CLVS1: variants seen among roughly 807,000 people sequenced by gnomAD.
CLVS1 encodes the protein clavesin 1.
Under a neutral mutation model 33.1 loss-of-function variants are expected in CLVS1, and 10 were observed. That is an observed-to-expected ratio of 0.30 (90% confidence interval 0.19 to 0.51). The LOEUF (loss-of-function observed/expected upper bound fraction) is 0.51. Among genes scored for constraint, CLVS1 ranks in the 20% least tolerant of loss-of-function variants. CLVS1 has a pLI of 0.97. For synonymous variants in CLVS1, 163 were observed against 166.1 expected (o/e 0.98, Z 0.14); for missense variants, 343 against 433.4 (o/e 0.79, Z 1.85).
chr8:61,116,689 G>A lies in CLVS1; in HGVS notation c.-242-15081G>A, dbSNP rs557069020. On this transcript the variant is annotated intron_variant, in intron 1 of 2. Coordinates refer to the CLVS1 transcript ENST00000522621. ...AAAGATCAGATAGTTGTAGATATGCGGCGTTATTTCTGAGGGCTCTGTTCT... is the reference window on the plus strand; with the variant it reads ...AAAGATCAGATAGTTGTAGATATGCAGCGTTATTTCTGAGGGCTCTGTTCT... Among the ~76,000 whole-genome samples, 321 of 148,110 alleles carry A rather than the reference G, an allele frequency of 2.2e-3. 2 individuals carry two copies. Among genetic ancestry groups the A allele is most frequent in the African/African-American group, 7.4e-3 (296 of 39,846 alleles).
rs186539586 is a variant in CLVS1, at chr8:61,158,861, C to T, written c.-152+27001C>T. ...TTTAAATTTTTAATTTTTTTAAAGACAAGGTCTTGCTGTATTGCCAGGTTG... is the reference window on the plus strand; with the variant it reads ...TTTAAATTTTTAATTTTTTTAAAGATAAGGTCTTGCTGTATTGCCAGGTTG... On this transcript the variant is annotated intron_variant, in intron 2 of 2. Coordinates refer to the CLVS1 transcript ENST00000522621. 6.6e-5 allele frequency among the ~76,000 whole-genome samples: 10 copies of T among 151,896 alleles called. No homozygotes were observed. The East Asian group carries it at 1.7e-3, about 26-fold the overall frequency.
In CLVS1 at chr8:61,288,193, C is replaced by T. The variant is rs540184034; in HGVS notation, c.-152+55C>T. 1.1e-5 allele frequency: 5 copies of T among 456,332 alleles called. 1 individual carries two copies. Among genetic ancestry groups the T allele is most frequent in the African/African-American group, 2.0e-5 (1 of 50,188 alleles). The allele number at this position is 456,332 out of a possible 1,614,324, so 28.3% of individuals were successfully genotyped here. A position where few individuals can be genotyped will look rare whatever the true frequency, so the allele number is the denominator to read the frequency against. ...ATTTGCCGAGCCTCCCCGCCTTTCC[C>T]CCGCTCTTTCGATGCCATGGCTGCG... On this transcript the variant is annotated intron_variant, in intron 1 of 5. Transcript: ENST00000325897.
chr8:61,339,490 CCT>C (rs1811934749), intron 2 of CLVS1, among the ~76,000 whole-genome samples: 1 of 152,170 alleles, frequency 6.6e-6, no homozygotes, highest in Non-Finnish European at 1.5e-5. Flanking sequence ...CAGAGCTGGG[CCT>C]GTGAGCTGTC....
intron 4 of CLVS1, among the ~76,000 whole-genome samples, chr8:61,454,893 G>A (rs143700705): frequency 2.9e-4 from 44 of 152,150 alleles, no homozygotes; most frequent in African/African-American, 7.9e-4. Context: ...TATAAATTGC[G>A]GAATCTAACA....
intron 2 of CLVS1, among the ~76,000 whole-genome samples, chr8:61,171,554 C>T (rs1585660801): frequency 6.6e-6 from 1 of 152,166 alleles, no homozygotes; most frequent in African/African-American, 2.4e-5. Context: ...TCTTTGTTCA[C>T]TCCAACTCTC....
At chr8:61,324,238 T>C (rs1367153813) in intron 2 of CLVS1, among the ~76,000 whole-genome samples, 2 of 152,144 alleles carry the variant, frequency 1.3e-5, no homozygotes, top group African/African-American at 4.8e-5. Context: ...AGGGACCTGG[T>C]GGGAGATAAT....
At chr8:61,400,050 A>T (rs869108263) in intron 3 of CLVS1, among the ~76,000 whole-genome samples, 1 of 152,070 alleles carries the variant, frequency 6.6e-6, no homozygotes, top group African/African-American at 2.4e-5. Context: ...TTTTAAAATA[A>T]TTTTTTCTAA....
At chr8:61,481,111 C>T (rs1445035753) in intron 5 of CLVS1, among the ~76,000 whole-genome samples, 1 of 152,064 alleles carries the variant, frequency 6.6e-6, no homozygotes, top group South Asian at 2.1e-4. Context: ...GTGTTGTTGA[C>T]CTGTGAGGGC....
the CLVS1 span, among the ~76,000 whole-genome samples, chr8:61,016,329 G>A: frequency 1.3e-5 from 2 of 152,352 alleles, no homozygotes; most frequent in Middle Eastern, 6.8e-3. Flanking sequence ...ATGTGATGCT[G>A]TGGAGGCCCC....
chr8:61,125,355 G>T (rs1805950129), intron 1 of CLVS1, among the ~76,000 whole-genome samples: 1 of 152,154 alleles, frequency 6.6e-6, no homozygotes, highest in African/African-American at 2.4e-5. Flanking sequence ...AGCAGGACAG[G>T]TTGTGGGGGG....
intron 2 of CLVS1, chr8:61,300,512 C>A (rs1375624369): frequency 1.4e-4 from 62 of 428,520 alleles, no homozygotes; most frequent in Non-Finnish European, 1.9e-4. Flanking sequence ...TTATTCTTTT[C>A]ATCAAAGTGG....
Position 61,143,862 on chromosome 8 carries a change from A to G in CLVS1, c.-152+12002A>G, listed in dbSNP as rs1388800348. Among the ~76,000 whole-genome samples, 3 of 147,846 alleles carry G rather than the reference A, an allele frequency of 2.0e-5. No homozygotes were observed. The Admixed American group carries it at 2.0e-4, about 10-fold the overall frequency. On this transcript the variant is annotated intron_variant, in intron 2 of 2. Transcript: ENST00000522621. ...TTATATATACATAATATATATACAT[A>G]TAATATTCTCATATTAAAATGAGAA... is the stretch of plus-strand genomic sequence containing the variant.
intron 2 of CLVS1, among the ~76,000 whole-genome samples, chr8:61,272,057 G>T (rs1324202618): frequency 2.6e-5 from 4 of 151,020 alleles, no homozygotes; most frequent in African/African-American, 9.7e-5. Context: ...TGGTTATTTT[G>T]CTCGTTAGTT....
chr8:61,337,833 G>A (rs537802411), intron 2 of CLVS1, among the ~76,000 whole-genome samples: 1 of 152,298 alleles, frequency 6.6e-6, no homozygotes, highest in South Asian at 2.1e-4. Context: ...GAACTGACTT[G>A]TTCTACCACA....
chr8:61,262,872 C>G (rs1033859077), intron 2 of CLVS1, among the ~76,000 whole-genome samples: 1 of 152,166 alleles, frequency 6.6e-6, no homozygotes, highest in African/African-American at 2.4e-5. Context: ...ACTCGTTGCT[C>G]TAGGAGCCTG....
At chr8:61,459,866 G>A (rs1336038679) in intron 5 of CLVS1, among the ~76,000 whole-genome samples, 1 of 152,182 alleles carries the variant, frequency 6.6e-6, no homozygotes, top group Non-Finnish European at 1.5e-5. Context: ...CAAGATCAAG[G>A]TGTTGGCAAG....
At chr8:61,120,601 C>T (rs1222319281) in intron 1 of CLVS1, among the ~76,000 whole-genome samples, 7 of 117,184 alleles carry the variant, frequency 6.0e-5, no homozygotes, top group African/African-American at 2.7e-4. Context: ...AGACAGGACC[C>T]TCAGCTGCAG....
At position 61,222,939 on chromosome 8, in the gene CLVS1, T is replaced by A. The variant is rs1450291759; in HGVS notation, c.-151-76738T>A. 5.0e-3 allele frequency among the ~76,000 whole-genome samples: 758 copies of A among 151,694 alleles called. 10 individuals carry two copies. Among genetic ancestry groups the A allele is most frequent in the African/African-American group, 0.017 (724 of 41,464 alleles). ...GTAATGCCCTTTTTTGTCTTTTTTT[T>A]TTTTTTATCTTTGTTGGTTTAAAGT... On this transcript the variant is annotated intron_variant, in intron 2 of 2. Coordinates refer to the CLVS1 transcript ENST00000522621.
intron 1 of CLVS1, among the ~76,000 whole-genome samples, chr8:61,128,421 A>G (rs947694380): frequency 6.6e-6 from 1 of 152,206 alleles, no homozygotes; most frequent in African/African-American, 2.4e-5. Flanking sequence ...TTCATCACCT[A>G]TGCTTTTTCT....
Sources: allele counts gnomAD v4.1 joint callset (sites outside exome capture counted in the v4.1 genomes callset), GRCh38; gene constraint gnomAD v4.1.1; transcripts MANE v1.5; gene names NCBI Gene and HGNC (gene_info 2026-07-23, HGNC 2026-07-21).